The following SHLD1 variants were observed in gnomAD, a reference collection of about 807,000 sequenced individuals.
The protein encoded by SHLD1 is RINN1-REV7-interacting novel NHEJ regulator 3.
Under a neutral mutation model 5.5 loss-of-function variants are expected in SHLD1, and 3 were observed. The observed-to-expected ratio is 0.54, with a 90% CI of 0.25 to 1.40. The LOEUF is 1.40. SHLD1 is among the 40% of genes most tolerant of loss of function. SHLD1 has a pLI of 0.15. For missense variants in SHLD1, 210 were observed against 244.4 expected, an observed-to-expected ratio of 0.86 and a Z score of 0.94; for synonymous variants, 92 against 94.3, an observed-to-expected ratio of 0.98 and a Z score of 0.14.
At chr20:5,821,818 G>T (rs545944892) in intron 2 of SHLD1, among the ~76,000 whole-genome samples, 1 of 152,312 alleles carries the variant, frequency 6.6e-6, no homozygotes, top group South Asian at 2.1e-4. Context: ...TCCCAGGGCT[G>T]CTGAGTGTCC....
At chr20:5,809,106 G>T (rs2087423210) in intron 2 of SHLD1, among the ~76,000 whole-genome samples, 1 of 152,090 alleles carries the variant, frequency 6.6e-6, no homozygotes, top group African/African-American at 2.4e-5. Context: ...GAGGAGGTGA[G>T]AAATGTTGGG....
intron 2 of SHLD1, among the ~76,000 whole-genome samples, chr20:5,842,433 G>A (rs1040121942): frequency 2.6e-5 from 4 of 152,162 alleles, no homozygotes; most frequent in South Asian, 2.1e-4. Context: ...TTGCCTGCAC[G>A]TCCCTAAGTT....
intron 2 of SHLD1, among the ~76,000 whole-genome samples, chr20:5,842,255 C>T (rs1324906232): frequency 1.3e-5 from 2 of 152,198 alleles, no homozygotes; most frequent in South Asian, 2.1e-4. Context: ...TAGCTCCTTC[C>T]TCTACCTTCA....
chr20:5,841,318 C>A (rs1309388369), intron 2 of SHLD1, among the ~76,000 whole-genome samples: 2 of 151,856 alleles, frequency 1.3e-5, no homozygotes, highest in African/African-American at 4.8e-5. Context: ...TGGGTGTATA[C>A]CCACATAACC....
chr20:5,819,920 G>A (rs886446585), intron 2 of SHLD1, among the ~76,000 whole-genome samples: 15 of 152,122 alleles, frequency 9.9e-5, no homozygotes, highest in African/African-American at 3.4e-4. Flanking sequence ...GATACATAAT[G>A]AGGACTTGAC....
At chr20:5,812,080 C>CTTTTTTTTTT (rs1200570680) in intron 2 of SHLD1, among the ~76,000 whole-genome samples, 1 of 136,814 alleles carries the variant, frequency 7.3e-6, no homozygotes, top group Non-Finnish European at 1.6e-5. Flanking sequence ...TTTTTTTTTT[C>CTTTTTTTTTT]TTTTTTTTTC....
chr20:5,809,936 G>T lies in SHLD1; in HGVS notation c.178+36893G>T, dbSNP rs144503829. Among the ~76,000 whole-genome samples the T allele has an allele frequency of 4.6e-5, 7 of 152,050 alleles. No individual in the cohort carries two copies. The South Asian group carries it at 1.2e-3, about 27-fold the overall frequency. ...TTATTTCAGTTTTCTGGCATATCTA[G>T]TTTATCACATACTACACCTTTGTCA... On this transcript the variant is annotated intron_variant, in intron 2 of 2. Transcript: ENST00000303142.
At chr20:5,820,419 A>G (rs1051446464) in intron 2 of SHLD1, among the ~76,000 whole-genome samples, 1 of 152,236 alleles carries the variant, frequency 6.6e-6, no homozygotes, top group Non-Finnish European at 1.5e-5. Flanking sequence ...CAAAAATTCA[A>G]TGAGCAGCTG....
intron 2 of SHLD1, among the ~76,000 whole-genome samples, chr20:5,808,077 C>T (rs926291264): frequency 2.0e-5 from 3 of 152,092 alleles, no homozygotes; most frequent in Non-Finnish European, 2.9e-5. Context: ...GCCAGGAGTT[C>T]GAGACCGGCT....
At chr20:5,819,023 C>T (rs2087573918) in intron 2 of SHLD1, among the ~76,000 whole-genome samples, 1 of 152,126 alleles carries the variant, frequency 6.6e-6, no homozygotes. Context: ...CCATCACACC[C>T]AGCTGATTTT....
chr20:5,860,642 G>C (rs1259156785), intron 2 of SHLD1, among the ~76,000 whole-genome samples: 1 of 151,636 alleles, frequency 6.6e-6, no homozygotes, highest in Non-Finnish European at 1.5e-5. Context: ...CTTCATTCTG[G>C]GACAGTAGCT....
chr20:5,852,476 T>C (rs1384442007), intron 2 of SHLD1, among the ~76,000 whole-genome samples: 1 of 150,660 alleles, frequency 6.6e-6, no homozygotes, highest in Admixed American at 6.6e-5. Flanking sequence ...TTCTTTCTTT[T>C]GAGACAGAGT....
intron 2 of SHLD1, among the ~76,000 whole-genome samples, chr20:5,829,194 A>T (rs901937955): frequency 1.3e-5 from 2 of 152,198 alleles, no homozygotes; most frequent in Non-Finnish European, 2.9e-5. Flanking sequence ...TTATTAATTA[A>T]TGAGTTCAGG....
intron 2 of SHLD1, among the ~76,000 whole-genome samples, chr20:5,856,592 C>G (rs2039013489): frequency 6.6e-6 from 1 of 152,214 alleles, no homozygotes; most frequent in African/African-American, 2.4e-5. Context: ...ATGGAGGCAC[C>G]TTATCCAGGG....
intron 2 of SHLD1, among the ~76,000 whole-genome samples, chr20:5,798,127 T>C (rs1252486390): frequency 6.6e-6 from 1 of 152,172 alleles, no homozygotes; most frequent in African/African-American, 2.4e-5. Context: ...CTCATTCACA[T>C]GGCTGATAGT....
chr20:5,797,854 G>C (rs2087234178), intron 2 of SHLD1, among the ~76,000 whole-genome samples: 1 of 152,132 alleles, frequency 6.6e-6, no homozygotes, highest in Non-Finnish European at 1.5e-5. Context: ...CTGGGCTACT[G>C]CTTAGGCTCT....
intron 2 of SHLD1, among the ~76,000 whole-genome samples, chr20:5,821,778 G>A (rs1196400905): frequency 2.0e-5 from 3 of 152,160 alleles, no homozygotes; most frequent in Non-Finnish European, 4.4e-5. Context: ...TGCTTGGCTG[G>A]AGTTTTCAGT....
intron 2 of SHLD1, among the ~76,000 whole-genome samples, chr20:5,844,824 T>C (rs2087913240): frequency 7.2e-6 from 1 of 138,430 alleles, no homozygotes; most frequent in African/African-American, 2.8e-5. Context: ...AGACACAGTC[T>C]CACTCTGTCG....
intron 1 of SHLD1, among the ~76,000 whole-genome samples, chr20:5,751,600 C>T (rs117385025): frequency 1.2e-3 from 188 of 152,268 alleles, no homozygotes; most frequent in Admixed American, 4.4e-3. Context: ...CCACCACGCC[C>T]GGCTATCTTC....
Sources: allele counts gnomAD v4.1 joint callset (sites outside exome capture counted in the v4.1 genomes callset), GRCh38; gene constraint gnomAD v4.1.1; transcripts MANE v1.5; gene names NCBI Gene and HGNC (gene_info 2026-07-23, HGNC 2026-07-21).